The following ERBB4 variants were observed in gnomAD, a reference collection of about 807,000 sequenced individuals.
The protein encoded by ERBB4 is erb-b2 receptor tyrosine kinase 4.
Under a neutral mutation model 158.0 loss-of-function variants are expected in ERBB4, and 42 were observed. The observed-to-expected ratio is 0.27, with a 90% CI of 0.21 to 0.34. ERBB4 has a LOEUF of 0.34. Ranked by LOEUF, ERBB4 falls within the 10% of genes least tolerant of loss-of-function variation. The pLI, the probability that ERBB4 is intolerant of heterozygous loss-of-function variation, is 1.00. For synonymous variants in ERBB4, 583 were observed against 558.7 expected (o/e 1.04, Z -0.61); for missense variants, 1,333 against 1,624.1 (o/e 0.82, Z 3.08).
chr2:212,344,279 G>A (rs12470834), intron 1 of ERBB4, among the ~76,000 whole-genome samples: 18,243 of 152,046 alleles, frequency 0.12, 1,125 homozygotes, highest in Admixed American at 0.15. Context: ...TGTGCATTGT[G>A]GAATGTTTAG....
chr2:211,401,217 A>G lies in ERBB4; in HGVS notation c.3136-13225T>C, dbSNP rs1382867844. On this transcript the variant is annotated intron_variant, in intron 25 of 27. Coordinates refer to ENST00000342788, the MANE Select transcript of ERBB4 (RefSeq NM_005235.3). ...GAAATATCCAGTAATAAAATCCTTA[A>G]GCAACTAAAATAAATGAACTGAATG... Among the ~76,000 whole-genome samples, 4 of 152,090 alleles carry G rather than the reference A, an allele frequency of 2.6e-5. No homozygotes were observed. The East Asian group carries it at 7.7e-4, about 29-fold the overall frequency.
At chr2:212,310,639 GTGTGTATA>G (rs1052103836) in intron 1 of ERBB4, among the ~76,000 whole-genome samples, 11 of 137,182 alleles carry the variant, frequency 8.0e-5, no homozygotes, top group Admixed American at 2.9e-4. Context: ...GTGTGTGTGT[GTGTGTATA>G]TATATATATT....
At chr2:212,220,853 A>G (rs1447934325) in intron 1 of ERBB4, among the ~76,000 whole-genome samples, 1 of 151,452 alleles carries the variant, frequency 6.6e-6, no homozygotes, top group Non-Finnish European at 1.5e-5. Flanking sequence ...TGATGAATTA[A>G]TATCTTACTT....
chr2:211,909,511 T>G (rs1372869809), intron 3 of ERBB4, among the ~76,000 whole-genome samples: 1 of 151,780 alleles, frequency 6.6e-6, no homozygotes, highest in Non-Finnish European at 1.5e-5. Context: ...AATCCGTACA[T>G]TATGGTATTG....
At chr2:211,707,441 A>C (rs2073492507) in intron 9 of ERBB4, among the ~76,000 whole-genome samples, 1 of 152,208 alleles carries the variant, frequency 6.6e-6, no homozygotes, top group South Asian at 2.1e-4. Context: ...ATCCAAAATA[A>C]AGCTCAGGAA....
intron 1 of ERBB4, among the ~76,000 whole-genome samples, chr2:212,379,265 A>G (rs2090426752): frequency 6.6e-6 from 1 of 151,766 alleles, no homozygotes; most frequent in Admixed American, 6.6e-5. Flanking sequence ...TCTTGTGCTC[A>G]TTTGCTCATG....
intron 3 of ERBB4, among the ~76,000 whole-genome samples, chr2:211,921,396 T>A (rs1482545112): frequency 6.6e-6 from 1 of 151,944 alleles, no homozygotes; most frequent in Non-Finnish European, 1.5e-5. Context: ...ATAAGACTTG[T>A]TTTTTGAGCT....
At chr2:211,437,818 A>G (rs1422342702) in intron 20 of ERBB4, among the ~76,000 whole-genome samples, 1 of 152,128 alleles carries the variant, frequency 6.6e-6, no homozygotes, top group East Asian at 1.9e-4. Flanking sequence ...AGGAAACCTA[A>G]TTTCAAATGA....
At chr2:212,057,338 T>A (rs2077611531) in intron 2 of ERBB4, among the ~76,000 whole-genome samples, 1 of 152,124 alleles carries the variant, frequency 6.6e-6, no homozygotes, top group African/African-American at 2.4e-5. Context: ...ATGGGAGACT[T>A]TAACACCGCA....
intron 2 of ERBB4, among the ~76,000 whole-genome samples, chr2:212,094,796 T>C (rs927115919): frequency 3.3e-5 from 5 of 152,288 alleles, no homozygotes; most frequent in South Asian, 2.1e-4. Flanking sequence ...TATTCCTTGA[T>C]AAAGACACAA....
chr2:212,334,458 T>C (rs1194938163), intron 1 of ERBB4, among the ~76,000 whole-genome samples: 5 of 152,042 alleles, frequency 3.3e-5, no homozygotes, highest in Non-Finnish European at 7.4e-5. Context: ...TGCATGTATA[T>C]ATGCATGGAT....
intron 20 of ERBB4, among the ~76,000 whole-genome samples, chr2:211,559,721 A>G (rs1303527026): frequency 6.6e-6 from 1 of 152,218 alleles, no homozygotes; most frequent in Non-Finnish European, 1.5e-5. Context: ...TCAATCCATT[A>G]GGGTGCACAG....
At position 211,379,194 on chromosome 2, in the gene ERBB4, TTTTG is replaced by T. The variant is rs1218313687; in HGVS notation, c.*4417_*4420del. On this transcript the variant is annotated 3_prime_UTR_variant, in exon 28 of 28. Coordinates refer to ENST00000342788, the MANE Select transcript of ERBB4 (RefSeq NM_005235.3). Reference sequence around the variant, plus strand: ...AAGGACATATCACCAATTAACTGTATTTTGTTTGTTTGCTAGCTAAATGACACCA... The same window carrying T: ...AAGGACATATCACCAATTAACTGTATTTTGTTTGCTAGCTAAATGACACCA... 1.7e-5 allele frequency: 4 copies of T among 230,408 alleles called. No homozygotes were observed. Among genetic ancestry groups the T allele is most frequent in the East Asian group, 6.2e-5 (1 of 16,180 alleles). The allele number at this position is 230,408 out of a possible 1,614,324, so 14.3% of individuals were successfully genotyped here.
At chr2:211,585,151 G>T (rs998621257) in intron 19 of ERBB4, among the ~76,000 whole-genome samples, 2 of 152,030 alleles carry the variant, frequency 1.3e-5, no homozygotes, top group African/African-American at 4.8e-5. Context: ...AGGAGATCGA[G>T]ACCATCCTGG....
At chr2:211,525,772 T>C (rs2066330344) in intron 20 of ERBB4, among the ~76,000 whole-genome samples, 1 of 152,110 alleles carries the variant, frequency 6.6e-6, no homozygotes, top group African/African-American at 2.4e-5. Context: ...CCGAAGAGCT[T>C]TGGGGCCTTA....
intron 20 of ERBB4, among the ~76,000 whole-genome samples, chr2:211,500,054 A>T (rs1398586782): frequency 1.3e-5 from 2 of 152,104 alleles, no homozygotes; most frequent in East Asian, 3.9e-4. Flanking sequence ...GAAACAACCA[A>T]ACATATGAAA....
chr2:211,449,778 C>T lies in ERBB4; in HGVS notation c.2488-18678G>A, dbSNP rs78996717. ...ATAGTCTTTGCCTAGGGAAGGATAA[C>T]TTGATTTCCATGTAAGTTACAGGCC... is the stretch of plus-strand genomic sequence containing the variant. On this transcript the variant is annotated intron_variant, in intron 20 of 27. Coordinates refer to ENST00000342788, the MANE Select transcript of ERBB4 (RefSeq NM_005235.3). Among the ~76,000 whole-genome samples, 8 of 152,234 alleles carry T rather than the reference C, an allele frequency of 5.3e-5. No homozygotes were observed. In the East Asian group the frequency reaches 1.4e-3, roughly 26 times the overall value.
intron 20 of ERBB4, among the ~76,000 whole-genome samples, chr2:211,517,136 T>C (rs1302924354): frequency 6.6e-6 from 1 of 152,172 alleles, no homozygotes; most frequent in Non-Finnish European, 1.5e-5. Context: ...GATAGCACAT[T>C]AGAATAAAAA....
chr2:212,080,538 T>C (rs868625683), intron 2 of ERBB4, among the ~76,000 whole-genome samples: 1 of 151,860 alleles, frequency 6.6e-6, no homozygotes, highest in African/African-American at 2.4e-5. Context: ...AATTTTTATG[T>C]TGATTTACAT....
Sources: allele counts gnomAD v4.1 joint callset (sites outside exome capture counted in the v4.1 genomes callset), GRCh38; gene constraint gnomAD v4.1.1; transcripts MANE v1.5; gene names NCBI Gene and HGNC (gene_info 2026-07-23, HGNC 2026-07-21).